Variants in PAXIP1 observed in about 807,000 individuals in gnomAD.
The protein encoded by PAXIP1 is PAX-interacting protein 1.
A neutral mutation model predicts 140.6 loss-of-function variants in PAXIP1; 19 were observed. The ratio of observed to expected loss-of-function variants is 0.14; its 90% CI spans 0.09 to 0.20. PAXIP1 has a LOEUF of 0.20. Among genes scored for constraint, PAXIP1 ranks in the 10% least tolerant of loss-of-function variants. PAXIP1 has a pLI of 1.00. For missense variants in PAXIP1, 920 were observed against 1,208.6 expected (o/e 0.76, Z 3.54); for synonymous variants, 442 against 444.6 (o/e 0.99, Z 0.07).
chr7:154,981,757 T>C (rs1171342036), intron 5 of PAXIP1, among the ~76,000 whole-genome samples: 2 of 152,212 alleles, frequency 1.3e-5, no homozygotes, highest in African/African-American at 4.8e-5. Context: ...ATATAGACCT[T>C]ATGACTTAGA....
Position 154,959,790 on chromosome 7 carries a change from C to T in PAXIP1, c.2478+100G>A, listed in dbSNP as rs527306063. 1.0e-5 allele frequency: 8 copies of T among 802,768 alleles called. 1 individual carries two copies. Among genetic ancestry groups the T allele is most frequent in the South Asian group, 4.5e-5 (3 of 66,156 alleles). The allele number at this position is 802,768 out of a possible 1,614,324, so 49.7% of individuals were successfully genotyped here. Reference sequence around the variant, plus strand: ...AGTAGATAATTCGTTATCATGTTGACAAGTTACTAAAATAATTTTTAATTT... The same window carrying T: ...AGTAGATAATTCGTTATCATGTTGATAAGTTACTAAAATAATTTTTAATTT... On this transcript the variant is annotated intron_variant, in intron 13 of 20. Transcript: ENST00000404141.
At chr7:154,952,192 A>G (rs190804382) in intron 16 of PAXIP1, 10 of 152,374 alleles carry the variant, frequency 6.6e-5, no homozygotes, top group African/African-American at 2.4e-4. Context: ...AATACCACTT[A>G]GTACATGCGA....
At chr7:155,001,160 C>G (rs529600634) in intron 1 of PAXIP1, 1 of 152,190 alleles carries the variant, frequency 6.6e-6, no homozygotes, top group Non-Finnish European at 1.5e-5. Context: ...AGAAAATATA[C>G]TGTTTCAGAT....
Position 154,973,046 on chromosome 7 carries a change from C to T in PAXIP1, c.1074+2650G>A, listed in dbSNP as rs987301263. On this transcript the variant is annotated intron_variant, in intron 6 of 20. Transcript: ENST00000404141. This position sits in a 1 kb window ranked among gnomAD's most constrained non-coding sequence, Gnocchi z 4.0. ...GATGTGCAGGGACCAGGGCCGGCACCCTCAGCATTGGGCGGTGCTGGAGCT... is the reference window on the plus strand; with the variant it reads ...GATGTGCAGGGACCAGGGCCGGCACTCTCAGCATTGGGCGGTGCTGGAGCT... Among the ~76,000 whole-genome samples, 1 of 152,240 alleles carries T rather than the reference C, an allele frequency of 6.6e-6. No individual in the cohort carries two copies. The highest frequency in any genetic ancestry group is 1.5e-5 in the Non-Finnish European group (1 of 68,046).
chr7:154,993,923 T>G (rs1810461857), intron 2 of PAXIP1, among the ~76,000 whole-genome samples, 154 bp from the exon 3 acceptor site: 1 of 152,216 alleles, frequency 6.6e-6, no homozygotes, highest in African/African-American at 2.4e-5. Context: ...AATATTATAG[T>G]CAAAGATTAG....
chr7:154,991,945 C>T (rs2150782822), intron 3 of PAXIP1, among the ~76,000 whole-genome samples: 1 of 152,292 alleles, frequency 6.6e-6, no homozygotes, highest in East Asian at 1.9e-4. Context: ...TATGGTTACA[C>T]AGATGAATCC....
At chr7:154,988,712 C>A (rs960693291) in intron 4 of PAXIP1, among the ~76,000 whole-genome samples, 1 of 152,186 alleles carries the variant, frequency 6.6e-6, no homozygotes, top group African/African-American at 2.4e-5. Context: ...CCAAACTCAG[C>A]GTGGCCCTTC....
intron 8 of PAXIP1, chr7:154,967,560 A>T: frequency 2.2e-6 from 1 of 450,032 alleles, no homozygotes; most frequent in Non-Finnish European, 4.0e-6. Context: ...AATTATACAC[A>T]TATAATTAGT....
Position 154,986,028 on chromosome 7 carries a change from C to A in PAXIP1, c.325-2696G>T. 7.3e-7 allele frequency: 1 copy of A among 1,365,718 alleles called. No individual in the cohort carries two copies. Among genetic ancestry groups the A allele is most frequent in the Non-Finnish European group, 9.8e-7 (1 of 1,021,542 alleles). 84.6% of individuals were successfully genotyped at this position (1,365,718 alleles called of 1,614,324 possible). On this transcript the variant is annotated intron_variant, in intron 4 of 20. Coordinates refer to ENST00000404141, the MANE Select transcript of PAXIP1 (RefSeq NM_007349.4). This position sits in a 1 kb window ranked among gnomAD's most constrained non-coding sequence, Gnocchi z 4.8. ...TCCCCAAAACCTACCCAGCACATTA[C>A]AACAGAGGCCTCAGCCTGCATCAAT...
intron 5 of PAXIP1, among the ~76,000 whole-genome samples, chr7:154,980,136 C>T (rs950460769): frequency 1.3e-5 from 2 of 151,970 alleles, no homozygotes; most frequent in Admixed American, 6.6e-5. Flanking sequence ...TGGTAACGTA[C>T]CATCAGTCAT....
In PAXIP1 at chr7:154,962,243, C is replaced by T. The variant is rs1808786518; in HGVS notation, c.2127+78G>A. 12 of 1,510,548 alleles carry T rather than the reference C, an allele frequency of 7.9e-6. No individual in the cohort carries two copies. In the East Asian group the frequency reaches 9.1e-5, roughly 11 times the overall value. The allele number at this position is 1,510,548 out of a possible 1,614,324, so 93.6% of individuals were successfully genotyped here. A position where few individuals can be genotyped will look rare whatever the true frequency, so the allele number is the denominator to read the frequency against. Reference sequence around the variant, plus strand: ...GACTCAGAAGCCAACGCAGGAGCCTCAGGTAAGCACTAGCAAGTGATTATT... The same window carrying T: ...GACTCAGAAGCCAACGCAGGAGCCTTAGGTAAGCACTAGCAAGTGATTATT... On this transcript the variant is annotated intron_variant, in intron 10 of 20. Transcript: ENST00000404141.
intron 15 of PAXIP1, among the ~76,000 whole-genome samples, chr7:154,955,028 C>A (rs1808445837): frequency 6.6e-6 from 1 of 152,192 alleles, no homozygotes; most frequent in African/African-American, 2.4e-5. Context: ...ACCATCCTCT[C>A]CCTCACCAAA....
At chr7:154,988,245 T>A (rs1182374371) in intron 4 of PAXIP1, among the ~76,000 whole-genome samples, 1 of 152,106 alleles carries the variant, frequency 6.6e-6, no homozygotes, top group Non-Finnish European at 1.5e-5. Flanking sequence ...AATGCCCTCC[T>A]CCCTTCCCAT....
chr7:154,977,016 A>G (rs952976757), intron 5 of PAXIP1, among the ~76,000 whole-genome samples: 2 of 152,220 alleles, frequency 1.3e-5, no homozygotes, highest in Non-Finnish European at 2.9e-5. Context: ...CATAAGCTGG[A>G]GGGCAGGAGG....
At chr7:154,969,559 G>A (rs976586779) in intron 6 of PAXIP1, among the ~76,000 whole-genome samples, 3 of 152,250 alleles carry the variant, frequency 2.0e-5, no homozygotes, top group Admixed American at 6.5e-5. Flanking sequence ...ATGCACTGAG[G>A]AATGACAGGT....
intron 1 of PAXIP1, chr7:155,001,051 C>G (rs1810865155): frequency 6.6e-6 from 1 of 152,198 alleles, no homozygotes; most frequent in Non-Finnish European, 1.5e-5. Flanking sequence ...ATACCTGGCA[C>G]CTAGTCCATG....
intron 10 of PAXIP1, among the ~76,000 whole-genome samples, 162 bp downstream of exon 10, chr7:154,962,157 AAC>A (rs1232496900): frequency 6.6e-6 from 1 of 152,248 alleles, no homozygotes; most frequent in African/African-American, 2.4e-5. Flanking sequence ...ACTAAAAGAA[AAC>A]ACACTATTTC....
At chr7:154,957,411 C>T in intron 13 of PAXIP1, 117 bp from the exon 14 acceptor site, 1 of 538,044 alleles carries the variant, frequency 1.9e-6, no homozygotes, top group Non-Finnish European at 3.2e-6. Context: ...GAATCATGTT[C>T]TTCTTCACCA....
chr7:154,977,772 A>C (rs1045721150), intron 5 of PAXIP1, among the ~76,000 whole-genome samples: 2 of 151,182 alleles, frequency 1.3e-5, no homozygotes, highest in African/African-American at 4.8e-5. Context: ...TTAAAAGGGC[A>C]AAGGGAAAAA....
Sources: allele counts gnomAD v4.1 joint callset (sites outside exome capture counted in the v4.1 genomes callset), GRCh38; gene constraint gnomAD v4.1.1; non-coding constraint Gnocchi (gnomAD v3.1); transcripts MANE v1.5; gene names NCBI Gene and HGNC (gene_info 2026-07-23, HGNC 2026-07-21).